The following NXPE2 variants were observed in gnomAD, a reference collection of about 807,000 sequenced individuals.
NXPE2 encodes NXPE family member 2.
A neutral mutation model predicts 34.4 loss-of-function variants in NXPE2; 34 were observed. That is an observed-to-expected ratio of 0.99 (90% CI 0.75 to 1.31). NXPE2 has a LOEUF of 1.31. Ranked by LOEUF, NXPE2 falls within the 40% of genes most tolerant of loss-of-function variation. The pLI, the probability that NXPE2 is intolerant of heterozygous loss-of-function variation, is 0.00. For missense variants in NXPE2, 649 were observed against 672.5 expected, an observed-to-expected ratio of 0.97 and a Z score of 0.39; for synonymous variants, 235 against 231.3, an observed-to-expected ratio of 1.02 and a Z score of -0.15.
At chr11:114,752,172 C>T in the NXPE2 span, among the ~76,000 whole-genome samples, 1 of 152,198 alleles carries the variant, frequency 6.6e-6, no homozygotes, top group Non-Finnish European at 1.5e-5. Flanking sequence ...CAGGGAAGAA[C>T]TTCCTGGGCA....
At chr11:114,807,153 T>A in the NXPE2 span, among the ~76,000 whole-genome samples, 2 of 149,688 alleles carry the variant, frequency 1.3e-5, no homozygotes, top group South Asian at 4.3e-4. Flanking sequence ...AGAGATTTTG[T>A]CACCACCAGG....
At chr11:114,630,363 ACAC>A in the NXPE2 span, among the ~76,000 whole-genome samples, 1 of 151,798 alleles carries the variant, frequency 6.6e-6, no homozygotes, top group Non-Finnish European at 1.5e-5. Flanking sequence ...CTCAGAAATA[ACAC>A]CACATTTCTA....
At chr11:114,716,705 A>G in the NXPE2 span, among the ~76,000 whole-genome samples, 4 of 152,180 alleles carry the variant, frequency 2.6e-5, no homozygotes, top group African/African-American at 4.8e-5. Context: ...CACTGAGCCA[A>G]ATAAAAGCTC....
At chr11:114,607,954 A>G in the NXPE2 span, among the ~76,000 whole-genome samples, 1 of 149,548 alleles carries the variant, frequency 6.7e-6, no homozygotes, top group East Asian at 2.0e-4. Context: ...ACTGTTACCC[A>G]GTGGATAATA....
chr11:114,727,774 A>AACACACACAAACACACAAAC, the NXPE2 span, among the ~76,000 whole-genome samples: 1 of 127,584 alleles, frequency 7.8e-6, no homozygotes, highest in Non-Finnish European at 1.7e-5. Context: ...ATGTGTACAC[A>AACACACACAAACACACAAAC]ACACACACAC....
chr11:114,761,957 A>G, the NXPE2 span, among the ~76,000 whole-genome samples: 1 of 152,188 alleles, frequency 6.6e-6, no homozygotes, highest in Non-Finnish European at 1.5e-5. Flanking sequence ...GCTTTGGGGA[A>G]TGGTAATGCA....
chr11:114,505,455 A>T, the NXPE2 span, among the ~76,000 whole-genome samples: 2,062 of 152,232 alleles, frequency 0.014, 37 homozygotes, highest in African/African-American at 0.047. Context: ...TGACAGAAAA[A>T]ATGTTAAAGG....
intron 3 of NXPE2, among the ~76,000 whole-genome samples, chr11:114,699,923 A>G (rs1052053346): frequency 6.6e-6 from 1 of 151,960 alleles, no homozygotes; most frequent in African/African-American, 2.4e-5. Context: ...CCTCCTGAGT[A>G]GCTGGGACCA....
the NXPE2 span, among the ~76,000 whole-genome samples, chr11:114,642,987 T>C: frequency 5.3e-5 from 8 of 152,170 alleles, no homozygotes; most frequent in Non-Finnish European, 7.4e-5. Flanking sequence ...TTTTGTGGTT[T>C]TGATTTGCAT....
At chr11:114,810,854 T>C in the NXPE2 span, among the ~76,000 whole-genome samples, 3 of 152,084 alleles carry the variant, frequency 2.0e-5, no homozygotes, top group African/African-American at 7.2e-5. Flanking sequence ...ACCCAAAGGA[T>C]TATAAATCAT....
At chr11:114,737,944 G>A in the NXPE2 span, among the ~76,000 whole-genome samples, 3 of 152,090 alleles carry the variant, frequency 2.0e-5, no homozygotes, top group Admixed American at 6.5e-5. Flanking sequence ...AAAATTTGCC[G>A]GGCGTGGTGG....
the NXPE2 span, among the ~76,000 whole-genome samples, chr11:114,575,293 G>A: frequency 2.6e-5 from 4 of 152,050 alleles, no homozygotes; most frequent in Admixed American, 2.6e-4. Flanking sequence ...AGACAAGAAT[G>A]CCCATTCTCA....
chr11:114,731,614 C>T, the NXPE2 span, among the ~76,000 whole-genome samples: 1 of 152,068 alleles, frequency 6.6e-6, no homozygotes, highest in South Asian at 2.1e-4. Flanking sequence ...TTTTAAAAAG[C>T]CTCTCTTAAA....
chr11:114,582,356 G>A, the NXPE2 span: 3 of 1,612,786 alleles, frequency 1.9e-6, no homozygotes, highest in African/African-American at 4.0e-5. Context: ...ACATGTGAGT[G>A]AGTGCAGCAC....
chr11:114,805,583 G>A, the NXPE2 span, among the ~76,000 whole-genome samples: 11 of 152,214 alleles, frequency 7.2e-5, no homozygotes, highest in African/African-American at 2.2e-4. Flanking sequence ...ACGGCGTCTC[G>A]CTCAGTGCTA....
the NXPE2 span, among the ~76,000 whole-genome samples, chr11:114,758,554 T>C: frequency 2.3e-4 from 35 of 152,196 alleles, no homozygotes; most frequent in African/African-American, 7.2e-4. Context: ...GCAGAGAGCA[T>C]TTGTCACACC....
At chr11:114,700,122 C>T (rs1212137852) in intron 3 of NXPE2, among the ~76,000 whole-genome samples, 1 of 152,134 alleles carries the variant, frequency 6.6e-6, no homozygotes, top group Non-Finnish European at 1.5e-5. Flanking sequence ...GTAGTCAGCA[C>T]CTTCTGTATT....
the NXPE2 span, among the ~76,000 whole-genome samples, chr11:114,736,384 TTC>T: frequency 6.6e-6 from 1 of 152,198 alleles, no homozygotes; most frequent in Non-Finnish European, 1.5e-5. Flanking sequence ...CAGGGGTTCA[TTC>T]TCTTTCTCAG....
chr11:114,531,666 A>G, the NXPE2 span, among the ~76,000 whole-genome samples: 1 of 152,054 alleles, frequency 6.6e-6, no homozygotes, highest in African/African-American at 2.4e-5. Flanking sequence ...ATGTCTTGAC[A>G]AGACTTCTTT....
Sources: gnomAD v4.1 joint callset for allele counts (sites outside exome capture counted in the v4.1 genomes callset) on GRCh38, gnomAD v4.1.1 for gene constraint, MANE v1.5 for transcripts, NCBI Gene and HGNC (gene_info 2026-07-23, HGNC 2026-07-21) for gene names.